Variants in ERICH1 observed in about 807,000 individuals in gnomAD.
ERICH1 encodes glutamate-rich protein 1.
In ERICH1, 56 loss-of-function variants were observed where a neutral mutation model predicts 39.6. The observed-to-expected ratio is 1.41, with a 90% CI of 1.14 to 1.77. The LOEUF (loss-of-function observed/expected upper bound fraction) is 1.77, where lower values mean the gene tolerates loss of function less well. Ranked by LOEUF, ERICH1 falls within the 40% of genes most tolerant of loss-of-function variation. The pLI is 0.00. For synonymous variants in ERICH1, 313 were observed against 223.6 expected (o/e 1.40, Z -3.57); for missense variants, 826 against 575.4 (o/e 1.44, Z -4.45).
intron 1 of ERICH1, among the ~76,000 whole-genome samples, chr8:724,609 G>A (rs1280993458): frequency 1.3e-5 from 2 of 152,194 alleles, no homozygotes; most frequent in African/African-American, 4.8e-5. Context: ...ACGCTGAGAG[G>A]TCATTGGGAA....
chr8:699,645 G>T (rs1480399230), intron 2 of ERICH1, among the ~76,000 whole-genome samples: 1 of 151,992 alleles, frequency 6.6e-6, no homozygotes. Flanking sequence ...ACACGCGCGT[G>T]AAAGCACACA....
intron 3 of ERICH1, among the ~76,000 whole-genome samples, chr8:649,706 C>T (rs910380387): frequency 6.6e-6 from 1 of 152,144 alleles, no homozygotes; most frequent in Non-Finnish European, 1.5e-5. Flanking sequence ...AGCTGGAAGA[C>T]GGGGCTCCAA....
intron 2 of ERICH1, among the ~76,000 whole-genome samples, chr8:699,396 G>C (rs894528613): frequency 6.6e-6 from 1 of 152,094 alleles, no homozygotes; most frequent in African/African-American, 2.4e-5. Flanking sequence ...CAAGTAATTA[G>C]ATCTGTATCA....
chr8:687,346 A>C (rs1450421057), intron 3 of ERICH1, among the ~76,000 whole-genome samples: 4 of 152,210 alleles, frequency 2.6e-5, no homozygotes, highest in Admixed American at 2.6e-4. Flanking sequence ...CAGTTCACCA[A>C]ATATTGACTT....
At chr8:633,667 T>C (rs1798194402) in intron 3 of ERICH1, among the ~76,000 whole-genome samples, 1 of 152,170 alleles carries the variant, frequency 6.6e-6, no homozygotes, top group Non-Finnish European at 1.5e-5. Context: ...AGCATCACCG[T>C]CCTGATATAA....
exon 4 of ERICH1, chr8:614,973 G>A (rs2116983208): frequency 2.7e-6 from 1 of 376,480 alleles, no homozygotes; most frequent in East Asian, 4.0e-5. Context: ...CTGAGCCACA[G>A]GCTCACCTCA....
At chr8:702,499 C>T (rs781590840) in intron 2 of ERICH1, among the ~76,000 whole-genome samples, 1 of 152,202 alleles carries the variant, frequency 6.6e-6, no homozygotes, top group Non-Finnish European at 1.5e-5. Context: ...TGCCAGAAAA[C>T]ACAGGAGCAG....
chr8:620,518 C>A (rs939694003), intron 3 of ERICH1, among the ~76,000 whole-genome samples: 30 of 152,150 alleles, frequency 2.0e-4, no homozygotes, highest in Non-Finnish European at 4.0e-4. Context: ...GCAATGTACA[C>A]TGACCTCCTA....
intron 5 of ERICH1, chr8:667,161 C>T (rs1313608401): frequency 2.0e-5 from 3 of 152,780 alleles, no homozygotes; most frequent in African/African-American, 7.2e-5. Context: ...GCTCACATGC[C>T]CGGGGTCCCA....
intron 3 of ERICH1, among the ~76,000 whole-genome samples, chr8:632,038 G>C (rs1407226706): frequency 1.3e-5 from 2 of 152,102 alleles, no homozygotes; most frequent in Admixed American, 6.6e-5. Flanking sequence ...GAATAGACTC[G>C]AGCTGCGTCT....
At chr8:617,686 C>G (rs1797010950) in intron 3 of ERICH1, among the ~76,000 whole-genome samples, 2 of 151,644 alleles carry the variant, frequency 1.3e-5, no homozygotes, top group Admixed American at 6.6e-5. Flanking sequence ...TCACTGCCCT[C>G]TAAGTGGTCA....
intron 2 of ERICH1, among the ~76,000 whole-genome samples, chr8:710,120 C>T (rs1445633609): frequency 6.6e-6 from 1 of 152,222 alleles, no homozygotes; most frequent in South Asian, 2.1e-4. Context: ...TAAACCTACG[C>T]TGACACACGT....
intron 3 of ERICH1, among the ~76,000 whole-genome samples, chr8:617,769 G>A (rs553021100): frequency 5.3e-5 from 8 of 150,716 alleles, no homozygotes; most frequent in African/African-American, 1.2e-4. Context: ...TGTCCTCTGC[G>A]TGATTGGTGC....
chr8:673,465 T>C lies in ERICH1; in HGVS notation c.887A>G (p.Glu296Gly), dbSNP rs1386590088. Residue 296 changes from glutamate to glycine, a missense_variant, in exon 4 of 6, where the codon GAG becomes GGG. Transcript: ENST00000262109. ...GEEDGKDTREEDGADASEEDP... is the reference protein window; with the variant it reads ...GEEDGKDTREGDGADASEEDP... ...TTCCTCGCTGGCGTCCGCACCGTCC[T>C]CCTCCCTGGTGTCTTTACCGTCTTC... 2 of 1,611,694 alleles carry C rather than the reference T, an allele frequency of 1.2e-6. No homozygotes were observed. The highest frequency in any genetic ancestry group is 1.7e-6 in the Non-Finnish European group (2 of 1,179,912).
intron 3 of ERICH1, among the ~76,000 whole-genome samples, chr8:616,826 G>GAGAC (rs1796936024): frequency 7.3e-6 from 1 of 136,766 alleles, no homozygotes; most frequent in Non-Finnish European, 1.6e-5. Context: ...GACGGGGGGA[G>GAGAC]AGAGAGAGAA....
intron 2 of ERICH1, among the ~76,000 whole-genome samples, chr8:702,451 C>T (rs117526810): frequency 0.033 from 4,996 of 152,212 alleles, 128 homozygotes; most frequent in Admixed American, 0.049. Flanking sequence ...CCCAGGGAAA[C>T]TCCCTGAGTG....
At chr8:635,907 G>C (rs1287696939) in intron 3 of ERICH1, among the ~76,000 whole-genome samples, 3 of 152,216 alleles carry the variant, frequency 2.0e-5, no homozygotes, top group African/African-American at 7.2e-5. Context: ...CATTTAACTT[G>C]CAAGCGGCTC....
At chr8:633,983 G>A (rs535358673) in intron 3 of ERICH1, among the ~76,000 whole-genome samples, 33 of 152,188 alleles carry the variant, frequency 2.2e-4, no homozygotes, top group Non-Finnish European at 4.3e-4. Flanking sequence ...ACTTCTTGAA[G>A]GTGACACCAA....
chr8:716,355 A>T (rs1376579026), intron 1 of ERICH1, among the ~76,000 whole-genome samples: 1 of 152,230 alleles, frequency 6.6e-6, no homozygotes, highest in Non-Finnish European at 1.5e-5. Context: ...CATGCAGGCC[A>T]TGACCCCTGT....
Sources: gnomAD v4.1 joint callset for allele counts (sites outside exome capture counted in the v4.1 genomes callset) on GRCh38, gnomAD v4.1.1 for gene constraint, MANE v1.5 for transcripts, NCBI Gene and HGNC (gene_info 2026-07-23, HGNC 2026-07-21) for gene names.